Variants in STEAP3 observed in about 807,000 individuals in gnomAD.
The protein encoded by STEAP3 is metalloreductase STEAP3.
Under a neutral mutation model 34.9 loss-of-function variants are expected in STEAP3, and 35 were observed. The observed-to-expected ratio is 1.00, with a 90% CI of 0.76 to 1.33. The LOEUF (loss-of-function observed/expected upper bound fraction) is 1.33, where lower values mean the gene tolerates loss of function less well. Among genes scored for constraint, STEAP3 ranks in the 40% most tolerant of loss-of-function variants. STEAP3 has a pLI of 0.00. For missense variants in STEAP3, 652 were observed against 667.6 expected (o/e 0.98, Z 0.26); for synonymous variants, 281 against 301.6 (o/e 0.93, Z 0.71).
intron 2 of STEAP3, among the ~76,000 whole-genome samples, chr2:119,243,191 G>A (rs1677301946): frequency 6.6e-6 from 1 of 152,214 alleles, no homozygotes; most frequent in African/African-American, 2.4e-5. Flanking sequence ...TCAAAACCAT[G>A]TTAAAGATGA....
intron 2 of STEAP3, among the ~76,000 whole-genome samples, chr2:119,243,112 C>T (rs1677300038): frequency 6.6e-6 from 1 of 152,230 alleles, no homozygotes; most frequent in Non-Finnish European, 1.5e-5. Flanking sequence ...GCATGATCCC[C>T]ACAAAAGCAA....
chr2:119,240,781 C>CT (rs1284481185), intron 2 of STEAP3, among the ~76,000 whole-genome samples: 1 of 152,196 alleles, frequency 6.6e-6, no homozygotes, highest in Non-Finnish European at 1.5e-5. Flanking sequence ...GCCCACAGAG[C>CT]TGCAATCTGA....
At position 119,244,641 on chromosome 2, in the gene STEAP3, T is replaced by C. The variant is rs1423354935; in HGVS notation, c.23-848T>C. On this transcript the variant is annotated intron_variant, in intron 2 of 5. Coordinates refer to ENST00000393110, the MANE Select transcript of STEAP3 (RefSeq NM_182915.3). ...GGTCAGTATTAATGAAAAATTATGT[T>C]GCCTACCTTCATACTTAAAGGAAAT... 3 of 152,318 alleles carry C rather than the reference T, an allele frequency of 2.0e-5. No homozygotes were observed. The East Asian group carries it at 5.8e-4, about 29-fold the overall frequency. The allele number at this position is 152,318 out of a possible 1,614,324, so 9.4% of individuals were successfully genotyped here.
intron 2 of STEAP3, among the ~76,000 whole-genome samples, chr2:119,240,888 G>A (rs1336127997): frequency 6.6e-6 from 1 of 152,172 alleles, no homozygotes; most frequent in African/African-American, 2.4e-5. Context: ...CGCAGGGACA[G>A]GCCTCTGGGA....
intron 2 of STEAP3, among the ~76,000 whole-genome samples, chr2:119,231,668 G>A (rs1052438461): frequency 6.6e-6 from 1 of 152,056 alleles, no homozygotes; most frequent in East Asian, 1.9e-4. Flanking sequence ...GCTCGAGTGT[G>A]CTTGAGTTTT....
chr2:119,229,253 G>A (rs549782113), intron 1 of STEAP3, among the ~76,000 whole-genome samples: 106 of 152,044 alleles, frequency 7.0e-4, no homozygotes, highest in Non-Finnish European at 1.1e-3. Flanking sequence ...AGCAATTCTC[G>A]TGCCTCAGCC....
At chr2:119,258,672 A>G (rs568285426) in intron 5 of STEAP3, among the ~76,000 whole-genome samples, 131 of 132,834 alleles carry the variant, frequency 9.9e-4, no homozygotes, top group Non-Finnish European at 1.5e-3. Context: ...CAGTGGCACA[A>G]TCTCGGCTCA....
Position 119,254,817 on chromosome 2 carries a change from C to G in STEAP3, c.1184C>G (p.Ser395Trp). The G allele has an allele frequency of 6.2e-7, 1 of 1,614,168 alleles. No homozygotes were observed. The highest frequency in any genetic ancestry group is 8.5e-7 in the Non-Finnish European group (1 of 1,180,016). Residue 395 changes from serine (S) to tryptophan (W), a missense_variant, in exon 5 of 6, where the codon TCG (serine) becomes TGG (tryptophan). Physicochemically the swap from Ser to Trp is radical, Grantham distance 177. Transcript: ENST00000393110. Reference protein sequence around the residue: ...AVTSLPSIANSLNWREFSFVQ... With the variant: ...AVTSLPSIANWLNWREFSFVQ... ...ACCTCACTGCCGTCCATTGCAAACT[C>G]GCTCAACTGGAGGGAGTTCAGCTTC...
At chr2:119,240,639 C>T (rs838087) in intron 2 of STEAP3, among the ~76,000 whole-genome samples, 2,659 of 152,310 alleles carry the variant, frequency 0.017, 44 homozygotes, top group Non-Finnish European at 0.03. Flanking sequence ...GTAGCCCTGC[C>T]GGGAAGAAGG....
chr2:119,228,764 A>G (rs1245558072), intron 1 of STEAP3, among the ~76,000 whole-genome samples: 2 of 151,868 alleles, frequency 1.3e-5, no homozygotes, highest in African/African-American at 4.8e-5. Context: ...CCCTCCCATG[A>G]CCTTTAACAT....
At chr2:119,248,491 G>C in intron 4 of STEAP3, 1 of 420,142 alleles carries the variant, frequency 2.4e-6, no homozygotes, top group Non-Finnish European at 4.2e-6. Flanking sequence ...AGGATCAGGA[G>C]TGCTAAGGCG....
chr2:119,260,543 G>A (rs1028819127), intron 5 of STEAP3, among the ~76,000 whole-genome samples: 29 of 152,080 alleles, frequency 1.9e-4, no homozygotes, highest in African/African-American at 6.5e-4. Context: ...TGATCTGCCC[G>A]CCTCGGCCTC....
At chr2:119,236,592 G>T (rs1382678305) in intron 2 of STEAP3, among the ~76,000 whole-genome samples, 1 of 152,210 alleles carries the variant, frequency 6.6e-6, no homozygotes, top group Non-Finnish European at 1.5e-5. Context: ...GTTATTTAGA[G>T]AATCCCAGGG....
chr2:119,251,536 G>GTTACCTTCACCCCGTTCTCCTA (rs1417285701), intron 4 of STEAP3, among the ~76,000 whole-genome samples: 12 of 152,214 alleles, frequency 7.9e-5, no homozygotes, highest in African/African-American at 2.9e-4. Context: ...CTGTTCTCCT[G>GTTACCTTCACCCCGTTCTCCTA]TTACCTTCAC....
At chr2:119,252,377 C>T (rs934184160) in intron 4 of STEAP3, among the ~76,000 whole-genome samples, 2 of 152,188 alleles carry the variant, frequency 1.3e-5, no homozygotes, top group African/African-American at 4.8e-5. Context: ...CCTTCCACAC[C>T]CTGCCACCCC....
intron 1 of STEAP3, among the ~76,000 whole-genome samples, chr2:119,228,427 G>A (rs990186820): frequency 3.9e-5 from 6 of 152,218 alleles, no homozygotes; most frequent in African/African-American, 1.4e-4. Flanking sequence ...AGTGGAGTTT[G>A]AGGGGACCCA....
intron 5 of STEAP3, 95 bp from the exon 6 acceptor site, chr2:119,262,962 C>A: frequency 6.5e-7 from 1 of 1,537,768 alleles, no homozygotes; most frequent in Non-Finnish European, 8.8e-7. Flanking sequence ...AAGCCACCCT[C>A]CTTCCCCTCC....
intron 5 of STEAP3, among the ~76,000 whole-genome samples, chr2:119,255,845 A>G (rs543997647): frequency 2.0e-5 from 3 of 152,280 alleles, no homozygotes; most frequent in Admixed American, 2.0e-4. Flanking sequence ...TTTATTGAGC[A>G]CTTACTGCAG....
chr2:119,241,641 G>A (rs1362848469), intron 2 of STEAP3, among the ~76,000 whole-genome samples: 1 of 152,194 alleles, frequency 6.6e-6, no homozygotes, highest in Non-Finnish European at 1.5e-5. Flanking sequence ...GAGAGGCCCA[G>A]GGACCTCCTA....
Sources: gnomAD v4.1 joint callset for allele counts (sites outside exome capture counted in the v4.1 genomes callset) on GRCh38, gnomAD v4.1.1 for gene constraint, MANE v1.5 for transcripts, NCBI Gene and HGNC (gene_info 2026-07-23, HGNC 2026-07-21) for gene names.